The following RIC8B variants were observed in gnomAD, a reference collection of about 807,000 sequenced individuals.
The protein encoded by RIC8B is RIC8 guanine nucleotide exchange factor B.
In RIC8B, 16 loss-of-function variants were observed where a neutral mutation model predicts 57.5. The ratio of observed to expected loss-of-function variants is 0.28; its 90% CI spans 0.19 to 0.42. RIC8B has a LOEUF of 0.42. RIC8B is among the 10% of genes least tolerant of loss of function. The pLI is 1.00. For synonymous variants in RIC8B, 216 were observed against 250.8 expected, an observed-to-expected ratio of 0.86 and a Z score of 1.31; for missense variants, 481 against 677.0, an observed-to-expected ratio of 0.71 and a Z score of 3.21.
intron 2 of RIC8B, among the ~76,000 whole-genome samples, chr12:106,805,763 C>T (rs2044984667): frequency 6.6e-6 from 1 of 152,164 alleles, no homozygotes; most frequent in African/African-American, 2.4e-5. Context: ...TCATTCTTCT[C>T]ATATAAACGT....
At position 106,879,588 on chromosome 12, in the gene RIC8B, A is replaced by G. The variant is rs993315676; in HGVS notation, c.1572-6316A>G. 3.0e-6 allele frequency: 3 copies of G among 984,972 alleles called. No individual in the cohort carries two copies. Among genetic ancestry groups the G allele is most frequent in the Admixed American group, 6.2e-5 (1 of 16,208 alleles). 61.0% of individuals were successfully genotyped at this position (984,972 alleles called of 1,614,324 possible). On this transcript the variant is annotated intron_variant, in intron 9 of 9. Coordinates refer to ENST00000392837, the MANE Select transcript of RIC8B (RefSeq NM_001330145.2). The surrounding 1 kb of genome is among the most constrained non-coding windows in gnomAD (Gnocchi z 4.9). ...ATATGGTGTAAATTCCGTATCTCCC[A>G]TCCCTAGCTCTTTAAGAAATTATTT...
At chr12:106,796,738 A>G (rs555591820) in intron 2 of RIC8B, among the ~76,000 whole-genome samples, 3 of 152,376 alleles carry the variant, frequency 2.0e-5, no homozygotes, top group African/African-American at 7.2e-5. Flanking sequence ...GAAGGATACT[A>G]TCATGAAAGT....
At chr12:106,778,172 G>A (rs1040689452) in intron 1 of RIC8B, among the ~76,000 whole-genome samples, 1 of 152,152 alleles carries the variant, frequency 6.6e-6, no homozygotes, top group Non-Finnish European at 1.5e-5. Flanking sequence ...TAAAATTTGG[G>A]AATATGCTCC....
chr12:106,856,580 G>A (rs1276959292), intron 7 of RIC8B, among the ~76,000 whole-genome samples: 1 of 152,152 alleles, frequency 6.6e-6, no homozygotes, highest in Admixed American at 6.5e-5. Flanking sequence ...TCATCTCTGT[G>A]AAGACCTTCC....
intron 2 of RIC8B, among the ~76,000 whole-genome samples, chr12:106,803,822 T>A (rs918524616): frequency 3.9e-5 from 6 of 152,210 alleles, no homozygotes; most frequent in Admixed American, 3.9e-4. Flanking sequence ...ACCTTTAAAA[T>A]GTTGCTATTG....
intron 6 of RIC8B, among the ~76,000 whole-genome samples, chr12:106,850,243 C>G (rs774819330): frequency 1.6e-4 from 25 of 152,192 alleles, no homozygotes; most frequent in Non-Finnish European, 3.1e-4. Context: ...CTGGCCAAGT[C>G]CCTGGTGCCA....
chr12:106,868,900 G>A (rs928650575), intron 8 of RIC8B, among the ~76,000 whole-genome samples: 1 of 124,658 alleles, frequency 8.0e-6, no homozygotes, highest in Non-Finnish European at 1.6e-5. Flanking sequence ...TGTCACCCAA[G>A]CTTTTTTCAA....
chr12:106,868,149 A>G (rs954617212), intron 8 of RIC8B, among the ~76,000 whole-genome samples: 2 of 152,244 alleles, frequency 1.3e-5, no homozygotes, highest in Non-Finnish European at 2.9e-5. Context: ...GGGAATTCAT[A>G]TAGTGACTTT....
intron 2 of RIC8B, among the ~76,000 whole-genome samples, chr12:106,801,629 T>C (rs1412047275): frequency 6.6e-6 from 1 of 152,206 alleles, no homozygotes; most frequent in Non-Finnish European, 1.5e-5. Flanking sequence ...ATAATATTAA[T>C]CTTTTACATG....
chr12:106,854,940 T>A (rs1949652809), intron 7 of RIC8B, among the ~76,000 whole-genome samples: 1 of 152,234 alleles, frequency 6.6e-6, no homozygotes, highest in Admixed American at 6.5e-5. Context: ...CTTGTACTCA[T>A]GCCATTAACT....
In RIC8B at chr12:106,814,760, G is replaced by T; in HGVS notation, c.197G>T (p.Cys66Phe). The change falls in exon 3 of 10, where the codon TGC becomes TTC. Residue 66 changes from cysteine (C) to phenylalanine (F), a missense_variant. By Grantham distance (205) the Cys-to-Phe change is radical (BLOSUM62 -2). This residue lies in a region of RIC8B where 421 missense variants were observed against 560.9 expected (regional missense o/e 0.75). Coordinates refer to ENST00000392837, the MANE Select transcript of RIC8B (RefSeq NM_001330145.2). ...KDIPTTCQVS[C>F]LEVLRILSRD... ...ATCCCAACAACATGTCAAGTGTCCT[G>T]CCTGGAAGTACTCCGCATTCTCTCC... is the stretch of plus-strand genomic sequence containing the variant. 1.9e-6 allele frequency: 3 copies of T among 1,614,046 alleles called. No individual in the cohort carries two copies. Among genetic ancestry groups the T allele is most frequent in the Non-Finnish European group, 2.5e-6 (3 of 1,179,938 alleles).
intron 1 of RIC8B, chr12:106,775,325 G>A (rs549835735): frequency 2.2e-6 from 1 of 456,086 alleles, no homozygotes; most frequent in African/African-American, 2.0e-5. Flanking sequence ...GATCCTCAGA[G>A]TGTTTATAGG....
intron 4 of RIC8B, among the ~76,000 whole-genome samples, chr12:106,831,263 A>G (rs1390443970): frequency 6.6e-6 from 1 of 152,188 alleles, no homozygotes. Context: ...TCTCCACTGC[A>G]CACAGAGGTG....
chr12:106,887,929 T>A lies in RIC8B; in HGVS notation c.*1914T>A, dbSNP rs1202997325. The A allele has an allele frequency of 6.6e-6, 1 of 152,620 alleles. No homozygotes were observed. The highest frequency in any genetic ancestry group is 1.5e-5 in the Non-Finnish European group (1 of 68,046). 9.5% of individuals were successfully genotyped at this position (152,620 alleles called of 1,614,324 possible). A position where few individuals can be genotyped will look rare whatever the true frequency, so the allele number is the denominator to read the frequency against. On this transcript the variant is annotated 3_prime_UTR_variant, in exon 10 of 10. Transcript: ENST00000392837. ...GAAGAAGACAATAGATGTTAGAATT[T>A]CATCCAAAATGTTTGAGGGAGAGGT...
At chr12:106,827,872 TTAAA>T (rs1201475495) in intron 4 of RIC8B, among the ~76,000 whole-genome samples, 7 of 152,040 alleles carry the variant, frequency 4.6e-5, no homozygotes, top group Non-Finnish European at 8.8e-5. Flanking sequence ...ATATCACAAG[TTAAA>T]TAATCATACA....
intron 2 of RIC8B, among the ~76,000 whole-genome samples, chr12:106,805,791 C>G (rs933438336): frequency 6.6e-6 from 1 of 152,236 alleles, no homozygotes; most frequent in East Asian, 1.9e-4. Context: ...TATATTTTCT[C>G]TTTAAAAAAG....
chr12:106,786,235 C>T (rs933708701), intron 2 of RIC8B, among the ~76,000 whole-genome samples: 5 of 150,374 alleles, frequency 3.3e-5, no homozygotes, highest in Middle Eastern at 3.4e-3. Flanking sequence ...CTGCAAGCTC[C>T]GCCTCCCAGG....
At chr12:106,814,409 CTTCT>C (rs753150236) in intron 2 of RIC8B, among the ~76,000 whole-genome samples, 9 of 151,786 alleles carry the variant, frequency 5.9e-5, no homozygotes, top group Admixed American at 1.3e-4. Flanking sequence ...GAAATGCATA[CTTCT>C]TTAAGTCTTT....
chr12:106,879,026 T>TACACAGAGCA lies in RIC8B; in HGVS notation c.1572-6877_1572-6868dup. The TACACAGAGCA allele has an allele frequency of 1.0e-6, 1 of 984,312 alleles. No homozygotes were observed. Among genetic ancestry groups the TACACAGAGCA allele is most frequent in the Non-Finnish European group, 1.2e-6 (1 of 828,580 alleles). The allele number at this position is 984,312 out of a possible 1,614,324, so 61.0% of individuals were successfully genotyped here. On this transcript the variant is annotated intron_variant, in intron 9 of 9. Transcript: ENST00000392837. The surrounding 1 kb of genome is among the most constrained non-coding windows in gnomAD (Gnocchi z 4.9). ...TCCATGTGTCAATACTGCCCTGTAG[T>TACACAGAGCA]ACACAGAGCAGACAAGAAAGAAGAG...
Sources: allele counts gnomAD v4.1 joint callset (sites outside exome capture counted in the v4.1 genomes callset), GRCh38; gene constraint gnomAD v4.1.1; regional missense constraint gnomAD v4.1.1; non-coding constraint Gnocchi (gnomAD v3.1); transcripts MANE v1.5; gene names NCBI Gene and HGNC (gene_info 2026-07-23, HGNC 2026-07-21).